Variants in ARHGAP15 observed in about 807,000 individuals in gnomAD.
ARHGAP15 encodes the protein Rho GTPase activating protein 15, also known as rho GTPase-activating protein 15.
A neutral mutation model predicts 63.7 loss-of-function variants in ARHGAP15; 51 were observed. That is an observed-to-expected ratio of 0.80 (90% CI 0.64 to 1.01). The LOEUF (loss-of-function observed/expected upper bound fraction) is 1.01, where lower values mean the gene tolerates loss of function less well. Ranked by LOEUF, ARHGAP15 falls within the 50% of genes least tolerant of loss-of-function variation. The pLI, the probability that ARHGAP15 is intolerant of heterozygous loss-of-function variation, is 0.00. For missense variants in ARHGAP15, 560 were observed against 564.6 expected, an observed-to-expected ratio of 0.99 and a Z score of 0.08; for synonymous variants, 191 against 193.8, an observed-to-expected ratio of 0.99 and a Z score of 0.12.
intron 11 of ARHGAP15, among the ~76,000 whole-genome samples, chr2:143,560,083 T>C (rs904804482): frequency 2.0e-5 from 3 of 152,232 alleles, no homozygotes; most frequent in African/African-American, 7.2e-5. Flanking sequence ...TTGAATGCTA[T>C]AATCATCAGC....
chr2:143,525,277 C>G (rs934989770), intron 10 of ARHGAP15, among the ~76,000 whole-genome samples: 4 of 151,356 alleles, frequency 2.6e-5, no homozygotes, highest in Admixed American at 6.6e-5. Flanking sequence ...TCCAGAGAGA[C>G]TTCTGCTTGC....
intron 13 of ARHGAP15, among the ~76,000 whole-genome samples, chr2:143,727,005 G>A (rs1685309984): frequency 6.6e-6 from 1 of 152,144 alleles, no homozygotes; most frequent in African/African-American, 2.4e-5. Context: ...GATCTAAAGG[G>A]CTAAGTCTCA....
intron 2 of ARHGAP15, among the ~76,000 whole-genome samples, chr2:143,195,098 G>T (rs1203769109): frequency 6.6e-6 from 1 of 152,086 alleles, no homozygotes; most frequent in African/African-American, 2.4e-5. Context: ...TTGTCCTCAA[G>T]AAGGTTTTTG....
At chr2:143,367,335 A>G (rs1686338703) in intron 6 of ARHGAP15, among the ~76,000 whole-genome samples, 1 of 151,734 alleles carries the variant, frequency 6.6e-6, no homozygotes. Flanking sequence ...ATGTTGTTTT[A>G]TTTATCTTCA....
chr2:143,508,235 A>T (rs1693410835), intron 9 of ARHGAP15, among the ~76,000 whole-genome samples: 1 of 152,080 alleles, frequency 6.6e-6, no homozygotes, highest in African/African-American at 2.4e-5. Flanking sequence ...CCTGGCTTAC[A>T]CCAGCAGCTT....
intron 6 of ARHGAP15, among the ~76,000 whole-genome samples, chr2:143,298,984 C>T (rs894382160): frequency 6.6e-6 from 1 of 151,896 alleles, no homozygotes; most frequent in Non-Finnish European, 1.5e-5. Context: ...TTGGGACATA[C>T]TTCTGATAGA....
intron 6 of ARHGAP15, among the ~76,000 whole-genome samples, chr2:143,343,314 C>T (rs933837157): frequency 8.6e-5 from 13 of 151,884 alleles, no homozygotes; most frequent in South Asian, 2.1e-4. Context: ...TGTTGAAAAA[C>T]GGCAGTCAGT....
At chr2:143,621,130 A>G (rs955481567) in intron 11 of ARHGAP15, among the ~76,000 whole-genome samples, 5 of 152,176 alleles carry the variant, frequency 3.3e-5, no homozygotes, top group African/African-American at 1.2e-4. Flanking sequence ...CCCACTGGGA[A>G]ATGCTACTGG....
chr2:143,483,909 T>G (rs1455651538), intron 8 of ARHGAP15, among the ~76,000 whole-genome samples: 1 of 152,162 alleles, frequency 6.6e-6, no homozygotes, highest in Admixed American at 6.5e-5. Flanking sequence ...TCCATTTGAC[T>G]CCTTACTGTG....
At chr2:143,516,924 A>G (rs1410613694) in intron 9 of ARHGAP15, among the ~76,000 whole-genome samples, 1 of 152,000 alleles carries the variant, frequency 6.6e-6, no homozygotes, top group Admixed American at 6.6e-5. Flanking sequence ...ACATTTCCAT[A>G]TTGGAGTTTT....
chr2:143,413,976 CT>C (rs1688574790), intron 6 of ARHGAP15, among the ~76,000 whole-genome samples: 1 of 136,604 alleles, frequency 7.3e-6, no homozygotes, highest in Admixed American at 7.5e-5. Context: ...TGCGCGCTCT[CT>C]GGCAGAAAGT....
At chr2:143,423,326 T>C (rs558370891) in intron 6 of ARHGAP15, among the ~76,000 whole-genome samples, 1 of 145,628 alleles carries the variant, frequency 6.9e-6, no homozygotes, top group African/African-American at 2.5e-5. Flanking sequence ...TCTTTACTAG[T>C]ATACCAAATA....
At chr2:143,249,817 G>A (rs549606614) in intron 5 of ARHGAP15, among the ~76,000 whole-genome samples, 1 of 152,072 alleles carries the variant, frequency 6.6e-6, no homozygotes, top group Admixed American at 6.5e-5. Flanking sequence ...TTGTGTAATA[G>A]GAAGCACACA....
intron 12 of ARHGAP15, among the ~76,000 whole-genome samples, chr2:143,666,903 TAA>T (rs1411580608): frequency 2.1e-4 from 31 of 146,198 alleles, no homozygotes; most frequent in Admixed American, 1.0e-3. Context: ...TGGCAATCAT[TAA>T]AAAGTCAGGA....
At chr2:143,210,177 G>A (rs1201861814) in intron 3 of ARHGAP15, among the ~76,000 whole-genome samples, 2 of 152,138 alleles carry the variant, frequency 1.3e-5, no homozygotes, top group Non-Finnish European at 2.9e-5. Flanking sequence ...ATTCAGGGAA[G>A]AAGAGAAAGC....
intron 6 of ARHGAP15, among the ~76,000 whole-genome samples, chr2:143,429,612 A>AC (rs1409843770): frequency 6.6e-6 from 1 of 152,138 alleles, no homozygotes; most frequent in Non-Finnish European, 1.5e-5. Context: ...CCCCAAACAC[A>AC]TTGAAAACAT....
intron 8 of ARHGAP15, among the ~76,000 whole-genome samples, chr2:143,484,139 G>A (rs1166857430): frequency 2.0e-5 from 3 of 152,068 alleles, no homozygotes; most frequent in Non-Finnish European, 2.9e-5. Context: ...TGGGGGTGGG[G>A]TGGATCACTT....
intron 11 of ARHGAP15, among the ~76,000 whole-genome samples, chr2:143,559,399 G>A (rs1358220091): frequency 6.6e-6 from 1 of 152,162 alleles, no homozygotes; most frequent in African/African-American, 2.4e-5. Context: ...AGAGGCCTGA[G>A]TTGGTATCTG....
In ARHGAP15 at chr2:143,504,849, C is replaced by A. The variant is rs1336098751; in HGVS notation, c.827-14417C>A. On this transcript the variant is annotated intron_variant, in intron 9 of 13. Coordinates refer to ENST00000295095, the MANE Select transcript of ARHGAP15 (RefSeq NM_018460.4). ...CTAGGTACTGGCCAGGGCTCCTGAGCCTGCAAAACCTTCCATGTGCCAGAA... is the reference window on the plus strand; with the variant it reads ...CTAGGTACTGGCCAGGGCTCCTGAGACTGCAAAACCTTCCATGTGCCAGAA... Among the ~76,000 whole-genome samples the A allele has an allele frequency of 2.6e-5, 4 of 152,170 alleles. No individual in the cohort carries two copies. In the East Asian group the frequency reaches 7.7e-4, roughly 29 times the overall value.
Sources: gnomAD v4.1 joint callset for allele counts (sites outside exome capture counted in the v4.1 genomes callset) on GRCh38, gnomAD v4.1.1 for gene constraint, MANE v1.5 for transcripts, NCBI Gene and HGNC (gene_info 2026-07-23, HGNC 2026-07-21) for gene names.